DNAH7: variants seen among roughly 807,000 people sequenced by gnomAD.
DNAH7 encodes dynein axonemal heavy chain 7.
A neutral mutation model predicts 444.6 loss-of-function variants in DNAH7; 397 were observed. That is an observed-to-expected ratio of 0.89 (90% confidence interval 0.82 to 0.97). The LOEUF is 0.97. Among genes scored for constraint, DNAH7 ranks in the 50% least tolerant of loss-of-function variants. The pLI is 0.00. For synonymous variants in DNAH7, 1,636 were observed against 1,624.4 expected (o/e 1.01, Z -0.17); for missense variants, 4,902 against 4,800.8 (o/e 1.02, Z -0.62).
At chr2:196,004,886 A>C (rs745792273) in intron 10 of DNAH7, among the ~76,000 whole-genome samples, 11 of 146,616 alleles carry the variant, frequency 7.5e-5, no homozygotes, top group Non-Finnish European at 1.3e-4. Context: ...GCTTGGGCCC[A>C]GGAGGTCAAG....
intron 19 of DNAH7, among the ~76,000 whole-genome samples, chr2:195,938,383 A>C (rs201206882): frequency 4.7e-4 from 55 of 118,130 alleles, no homozygotes; most frequent in East Asian, 1.0e-3. Context: ...CACACACACA[A>C]ACACACACAG....
chr2:195,794,592 C>G (rs1696049437), intron 56 of DNAH7, 54 bp from the exon 57 acceptor site: 29 of 1,526,368 alleles, frequency 1.9e-5, no homozygotes, highest in Admixed American at 5.0e-5. Context: ...AAGAAAATCT[C>G]AAAAGCATAC....
chr2:196,008,127 T>C (rs1694497169), intron 10 of DNAH7, among the ~76,000 whole-genome samples: 1 of 151,900 alleles, frequency 6.6e-6, no homozygotes, highest in Non-Finnish European at 1.5e-5. Context: ...AACAAAGGGT[T>C]TGAATAGACA....
intron 5 of DNAH7, among the ~76,000 whole-genome samples, chr2:196,033,880 A>G (rs1696218327): frequency 1.3e-5 from 2 of 152,188 alleles, no homozygotes; most frequent in African/African-American, 4.8e-5. Flanking sequence ...AATTTCCACA[A>G]TGGCTGCACT....
chr2:195,897,606 G>T, intron 29 of DNAH7, 61 bp downstream of exon 29: 1 of 952,146 alleles, frequency 1.1e-6, no homozygotes, highest in Non-Finnish European at 1.6e-6. Context: ...CACAACCTTA[G>T]ACATGTGATA....
At chr2:195,999,967 G>A (rs1005164734) in intron 12 of DNAH7, among the ~76,000 whole-genome samples, 1 of 152,148 alleles carries the variant, frequency 6.6e-6, no homozygotes, top group Non-Finnish European at 1.5e-5. Flanking sequence ...TTTGCTAGAA[G>A]GTGGAGAGAT....
intron 46 of DNAH7, among the ~76,000 whole-genome samples, chr2:195,846,370 G>A (rs532503445): frequency 3.1e-4 from 47 of 152,250 alleles, no homozygotes; most frequent in Non-Finnish European, 6.0e-4. Context: ...AGATGCTGGC[G>A]AGGTCACAGA....
rs973586407 is a variant in DNAH7 at position 195,870,991 on chromosome 2, C to A, written c.6633+1259G>T. On this transcript the variant is annotated intron_variant, in intron 40 of 64. Transcript: ENST00000312428. Reference sequence around the variant, plus strand: ...CTATTACCCATGTGGCCCCCAAACACAAGCCTGCATCCGTATCCTGGGAAG... The same window carrying A: ...CTATTACCCATGTGGCCCCCAAACAAAAGCCTGCATCCGTATCCTGGGAAG... 9.9e-5 allele frequency among the ~76,000 whole-genome samples: 15 copies of A among 152,172 alleles called. 1 individual carries two copies. Among genetic ancestry groups the A allele is most frequent in the South Asian group, 8.3e-4 (4 of 4,834 alleles).
intron 15 of DNAH7, among the ~76,000 whole-genome samples, chr2:195,980,826 A>C (rs1254613980): frequency 2.6e-5 from 4 of 151,092 alleles, no homozygotes; most frequent in East Asian, 1.9e-4. Flanking sequence ...AAAAAAAAAA[A>C]CCCTCAAAAA....
intron 9 of DNAH7, among the ~76,000 whole-genome samples, chr2:196,014,676 A>G (rs2125731213): frequency 1.3e-5 from 2 of 152,192 alleles, no homozygotes; most frequent in South Asian, 4.2e-4. Flanking sequence ...GGTTCTCAAA[A>G]CTAATCTTCT....
intron 63 of DNAH7, among the ~76,000 whole-genome samples, chr2:195,747,261 A>C (rs1442297790): frequency 6.6e-6 from 1 of 152,218 alleles, no homozygotes; most frequent in Non-Finnish European, 1.5e-5. Flanking sequence ...GAAATGGATA[A>C]ATTCCACAAC....
At position 195,855,824 on chromosome 2, in the gene DNAH7, T is replaced by G. The variant is rs780295794; in HGVS notation, c.8582A>C (p.Asp2861Ala). 1 of 1,612,858 alleles carries G rather than the reference T, an allele frequency of 6.2e-7. No homozygotes were observed. The highest frequency in any genetic ancestry group is 8.5e-7 in the Non-Finnish European group (1 of 1,179,622). The change falls in exon 45 of 65, where the codon GAC becomes GCC. Residue 2861 changes from aspartate to alanine, a missense_variant. By Grantham distance (126) the Asp-to-Ala change is moderately radical (BLOSUM62 -2). Transcript: ENST00000312428. ...ATCAGCACACACCTGGTTTTCCAGGTCAGCCTTCTTTTGTTTATTTAATTC... is the reference window on the plus strand; with the variant it reads ...ATCAGCACACACCTGGTTTTCCAGGGCAGCCTTCTTTTGTTTATTTAATTC... ...TLELNKQKKADLENQVDLCSK... is the reference protein window; with the variant it reads ...TLELNKQKKAALENQVDLCSK...
rs766556518 is a variant in DNAH7, at chr2:195,855,986, G to T, written c.8420C>A (p.Ala2807Glu). The T allele has an allele frequency of 8.1e-6, 13 of 1,606,766 alleles. No individual in the cohort carries two copies. Among genetic ancestry groups the T allele is most frequent in the Admixed American group, 1.7e-5 (1 of 58,580 alleles). ...TATCTTTTTGGGAGCTACTATTTTT[G>T]CCACTCTGCAAAAAGTAAAATTGAA... The part of the protein sequence containing the change: ...VIAMDSYDKV[A>E]KIVAPKKIKL... Residue 2807 changes from alanine (A) to glutamate (E), a missense_variant, in exon 45 of 65, where the codon GCA becomes GAA. Ala to Glu is a moderately radical substitution (Grantham distance 107). Transcript: ENST00000312428.
At chr2:195,811,787 C>T (rs538022206) in intron 51 of DNAH7, among the ~76,000 whole-genome samples, 28 of 152,036 alleles carry the variant, frequency 1.8e-4, no homozygotes, top group Middle Eastern at 3.4e-3. Flanking sequence ...AAAAAAAAAA[C>T]TGTGTGCGTA....
chr2:196,011,243 G>A (rs1377155310), intron 10 of DNAH7, among the ~76,000 whole-genome samples: 1 of 152,116 alleles, frequency 6.6e-6, no homozygotes, highest in Admixed American at 6.6e-5. Flanking sequence ...TGCATTGTAT[G>A]AATGCATCAA....
At position 195,884,761 on chromosome 2, in the gene DNAH7, C is replaced by T. The variant is rs118190947; in HGVS notation, c.5587G>A (p.Asp1863Asn). Residue 1863 changes from aspartate to asparagine, a missense_variant, in exon 35 of 65, where the codon GAT (aspartate) becomes AAT (asparagine). Coordinates refer to ENST00000312428, the MANE Select transcript of DNAH7 (RefSeq NM_018897.3). Reference sequence around the variant, plus strand: ...TTATTAAATTTCAATCGATCATCATCTGTACAAGAAGCACCAACGGACCAG... The same window carrying T: ...TTATTAAATTTCAATCGATCATCATTTGTACAAGAAGCACCAACGGACCAG... Reference protein sequence around the residue: ...LIWSVGASCTDDDRLKFNKIL... With the variant: ...LIWSVGASCTNDDRLKFNKIL... 200 of 1,613,976 alleles carry T rather than the reference C, an allele frequency of 1.2e-4. 1 individual carries two copies. In the East Asian group the frequency reaches 4.4e-3, roughly 36 times the overall value.
chr2:196,034,785 C>T (rs1696280065), intron 5 of DNAH7, among the ~76,000 whole-genome samples: 2 of 152,144 alleles, frequency 1.3e-5, no homozygotes, highest in South Asian at 4.1e-4. Context: ...AACATTTGAA[C>T]ATTTATATGC....
rs771230588 is a variant in DNAH7, at chr2:195,910,014, A to T, written c.4104+13T>A. 3 of 1,608,010 alleles carry T rather than the reference A, an allele frequency of 1.9e-6. No homozygotes were observed. Among genetic ancestry groups the T allele is most frequent in the Non-Finnish European group, 2.6e-6 (3 of 1,176,440 alleles). ...GTTATCCTGTTGTAAAGAAATGAGG[A>T]GTTAATTCAAACCTTAAAGAATTTT... On this transcript the variant is annotated intron_variant, in intron 25 of 64. Coordinates refer to ENST00000312428, the MANE Select transcript of DNAH7 (RefSeq NM_018897.3).
At chr2:195,889,004 G>C (rs2125213495) in intron 31 of DNAH7, 23 bp from the exon 32 acceptor site, 1 of 1,589,504 alleles carries the variant, frequency 6.3e-7, no homozygotes, top group East Asian at 2.3e-5. Context: ...TATGTGAACA[G>C]AGGGCAAAAA....
Sources: gnomAD v4.1 joint callset for allele counts (sites outside exome capture counted in the v4.1 genomes callset) on GRCh38, gnomAD v4.1.1 for gene constraint, MANE v1.5 for transcripts, NCBI Gene and HGNC (gene_info 2026-07-23, HGNC 2026-07-21) for gene names.